Variants in SYNE1 observed in about 807,000 individuals in gnomAD.
SYNE1 encodes the protein nesprin-1.
A neutral mutation model predicts 1,111.0 loss-of-function variants in SYNE1; 616 were observed. That is an observed-to-expected ratio of 0.55 (90% CI 0.52 to 0.59). The LOEUF (loss-of-function observed/expected upper bound fraction) is 0.59, where lower values mean the gene tolerates loss of function less well. SYNE1 is among the 20% of genes least tolerant of loss of function. SYNE1 has a pLI of 0.00. For missense variants in SYNE1, 10,006 were observed against 10,417.0 expected (o/e 0.96, Z 1.72); for synonymous variants, 3,855 against 3,825.8 (o/e 1.01, Z -0.28).
chr6:152,173,001 C>T (rs1471733736), intron 130 of SYNE1, among the ~76,000 whole-genome samples: 5 of 152,192 alleles, frequency 3.3e-5, no homozygotes, highest in Non-Finnish European at 7.3e-5. Flanking sequence ...AAATAGCCAT[C>T]CGTAGCTAGT....
chr6:152,492,168 C>A (rs978983052), intron 11 of SYNE1, among the ~76,000 whole-genome samples: 1 of 152,202 alleles, frequency 6.6e-6, no homozygotes, highest in Non-Finnish European at 1.5e-5. Flanking sequence ...GCTTTGCCGC[C>A]CTAGACCCAG....
intron 42 of SYNE1, among the ~76,000 whole-genome samples, chr6:152,410,727 T>C (rs754146488): frequency 1.6e-4 from 25 of 152,122 alleles, no homozygotes; most frequent in Non-Finnish European, 3.4e-4. Context: ...GGAGACTATC[T>C]CATAAAAGAA....
intron 4 of SYNE1, among the ~76,000 whole-genome samples, chr6:152,528,727 T>C (rs1399478748): frequency 6.6e-6 from 1 of 152,228 alleles, no homozygotes. Context: ...TGTTAGTACA[T>C]ACGATGCTTC....
At chr6:152,204,351 G>T (rs2076094407) in intron 126 of SYNE1, among the ~76,000 whole-genome samples, 1 of 147,546 alleles carries the variant, frequency 6.8e-6, no homozygotes, top group Admixed American at 6.8e-5. Context: ...GGGTGACACA[G>T]GGAGACTCTA....
intron 99 of SYNE1, among the ~76,000 whole-genome samples, chr6:152,268,794 C>T (rs1483466713): frequency 2.0e-5 from 3 of 151,940 alleles, no homozygotes; most frequent in Admixed American, 1.3e-4. Flanking sequence ...AACAAACATG[C>T]AACTTACACT....
At chr6:152,147,964 G>A in intron 137 of SYNE1, 81 bp downstream of exon 137, 1 of 1,195,298 alleles carries the variant, frequency 8.4e-7, no homozygotes, top group East Asian at 2.3e-5. Context: ...AATGATTCTG[G>A]ATAGCTGTCA....
chr6:152,525,903 G>T lies in SYNE1; in HGVS notation c.225+177C>A, dbSNP rs75402198. Reference sequence around the variant, plus strand: ...CTAGGGGTTTGCAGGAACAAGAAGGGAAATATATTCCTTGCACCTAGAAGT... The same window carrying T: ...CTAGGGGTTTGCAGGAACAAGAAGGTAAATATATTCCTTGCACCTAGAAGT... On this transcript the variant is annotated intron_variant, in intron 5 of 145. Transcript: ENST00000367255. Among the ~76,000 whole-genome samples the T allele has an allele frequency of 0.046, 7,042 of 152,190 alleles. 228 individuals are homozygous for T. The highest frequency in any genetic ancestry group is 0.066 in the Non-Finnish European group (4,474 of 67,992).
chr6:152,266,799 C>A (rs6937888), intron 100 of SYNE1, among the ~76,000 whole-genome samples: 97,265 of 151,968 alleles, frequency 0.64, 31,521 homozygotes, highest in East Asian at 0.82. Context: ...CTATCACTTG[C>A]CCTCAGAATT....
At chr6:152,537,067 C>A (rs2127932338) in intron 4 of SYNE1, among the ~76,000 whole-genome samples, 1 of 152,208 alleles carries the variant, frequency 6.6e-6, no homozygotes, top group South Asian at 2.1e-4. Flanking sequence ...TAAAATACTC[C>A]ACCTTCTTTC....
At position 152,557,238 on chromosome 6, in the gene SYNE1, A is replaced by T. The variant is rs78591109; in HGVS notation, c.68-17217T>A. ...AGAAAGAATCAGAAAGCTTGAAGAC[A>T]GGCTTGACATTATTCAGTCAGAGGA... On this transcript the variant is annotated intron_variant, in intron 3 of 145. Coordinates refer to ENST00000367255, the MANE Select transcript of SYNE1 (RefSeq NM_182961.4). Among the ~76,000 whole-genome samples the T allele has an allele frequency of 8.1e-3, 1,229 of 152,304 alleles. 10 individuals carry two copies. Among genetic ancestry groups the T allele is most frequent in the African/African-American group, 0.027 (1,104 of 41,566 alleles).
chr6:152,594,420 G>C (rs1347856691), intron 3 of SYNE1, among the ~76,000 whole-genome samples: 3 of 152,096 alleles, frequency 2.0e-5, no homozygotes, highest in African/African-American at 7.2e-5. Flanking sequence ...TAAAGAACTG[G>C]GTTTTGGATG....
At chr6:152,462,646 C>T in intron 20 of SYNE1, 92 bp downstream of exon 20, 2 of 1,519,682 alleles carry the variant, frequency 1.3e-6, no homozygotes, top group Non-Finnish European at 1.8e-6. Context: ...CCAGGAGACA[C>T]AGAAACAGCT....
chr6:152,310,662 T>C (rs376592696), intron 88 of SYNE1, 26 bp downstream of exon 88: 46 of 1,610,844 alleles, frequency 2.9e-5, no homozygotes, highest in Non-Finnish European at 3.8e-5. Context: ...CATTTTTTTC[T>C]GTTTCTTTTT....
At chr6:152,294,818 CTATATCAAGAGATATAGTAAAGA>C (rs1466971461) in intron 93 of SYNE1, among the ~76,000 whole-genome samples, 2 of 151,904 alleles carry the variant, frequency 1.3e-5, no homozygotes, top group African/African-American at 2.4e-5. Context: ...ATAAAATTTA[CTATATCAAGAGATATAGTAAAGA>C]TATATCAAGA....
intron 25 of SYNE1, among the ~76,000 whole-genome samples, chr6:152,451,673 G>A (rs1261746897): frequency 1.3e-5 from 2 of 151,610 alleles, no homozygotes; most frequent in Middle Eastern, 3.4e-3. Context: ...GTTGAGACAG[G>A]GTTTTACCAA....
intron 3 of SYNE1, among the ~76,000 whole-genome samples, chr6:152,595,700 T>C (rs2099579053): frequency 6.6e-6 from 1 of 152,076 alleles, no homozygotes. Flanking sequence ...TGTGGGAAAA[T>C]GCAATTGGCT....
intron 22 of SYNE1, 105 bp downstream of exon 22, chr6:152,458,652 G>A: frequency 2.4e-6 from 3 of 1,268,954 alleles, no homozygotes; most frequent in Non-Finnish European, 3.4e-6. Flanking sequence ...TACTATTCTA[G>A]AAAAATGTTT....
intron 66 of SYNE1, among the ~76,000 whole-genome samples, chr6:152,356,911 G>A (rs1184565841): frequency 1.3e-5 from 2 of 152,112 alleles, no homozygotes; most frequent in Admixed American, 1.3e-4. Flanking sequence ...GGTAACTATT[G>A]ACTTAGTTCT....
chr6:152,150,837 A>G (rs2060280185), intron 135 of SYNE1, among the ~76,000 whole-genome samples: 1 of 152,238 alleles, frequency 6.6e-6, no homozygotes, highest in African/African-American at 2.4e-5. Context: ...CCGACATAGG[A>G]AAGTTGTATT....
Sources: allele counts gnomAD v4.1 joint callset (sites outside exome capture counted in the v4.1 genomes callset), GRCh38; gene constraint gnomAD v4.1.1; transcripts MANE v1.5; gene names NCBI Gene and HGNC (gene_info 2026-07-23, HGNC 2026-07-21).